Variants in MMP26 observed in about 807,000 individuals in gnomAD.
MMP26 encodes matrix metalloproteinase-26.
Under a neutral mutation model 31.0 loss-of-function variants are expected in MMP26, and 33 were observed. The observed-to-expected ratio is 1.06, with a 90% CI of 0.81 to 1.42. The LOEUF (loss-of-function observed/expected upper bound fraction) is 1.42, where lower values mean the gene tolerates loss of function less well. Ranked by LOEUF, MMP26 falls within the 40% of genes most tolerant of loss-of-function variation. MMP26 has a pLI of 0.00. For synonymous variants in MMP26, 122 were observed against 114.9 expected (o/e 1.06, Z -0.40); for missense variants, 347 against 316.1 (o/e 1.10, Z -0.74).
chr11:4,878,867 T>C (rs1850420399), intron 2 of MMP26, among the ~76,000 whole-genome samples: 1 of 152,182 alleles, frequency 6.6e-6, no homozygotes, highest in South Asian at 2.1e-4. Flanking sequence ...TCTTCCTTGA[T>C]ACTCACTGGG....
At chr11:4,858,190 A>G (rs551274227) in intron 2 of MMP26, among the ~76,000 whole-genome samples, 3 of 152,054 alleles carry the variant, frequency 2.0e-5, no homozygotes, top group South Asian at 4.2e-4. Flanking sequence ...CTCTCACACC[A>G]CTCCTATTCA....
chr11:4,748,093 A>G (rs1441160081), intron 1 of MMP26, among the ~76,000 whole-genome samples: 5 of 152,066 alleles, frequency 3.3e-5, no homozygotes, highest in Non-Finnish European at 5.9e-5. Flanking sequence ...AAATAAGTAC[A>G]CTCAGAAATG....
chr11:4,740,778 T>A (rs546411420), intron 1 of MMP26, among the ~76,000 whole-genome samples: 3 of 152,300 alleles, frequency 2.0e-5, no homozygotes, highest in African/African-American at 7.2e-5. Context: ...CATACCATTT[T>A]AGAGTCATGT....
chr11:4,796,031 A>T (rs941714581), intron 2 of MMP26, among the ~76,000 whole-genome samples: 1 of 152,108 alleles, frequency 6.6e-6, no homozygotes, highest in Non-Finnish European at 1.5e-5. Flanking sequence ...AAGAGTTTCA[A>T]CAGGACAAGT....
At chr11:4,770,340 C>A (rs187651120) in intron 2 of MMP26, among the ~76,000 whole-genome samples, 12 of 152,242 alleles carry the variant, frequency 7.9e-5, no homozygotes, top group African/African-American at 2.4e-4. Context: ...CTTCAGTGAC[C>A]ATAAGGGTAT....
At chr11:4,982,328 G>A (rs1029288922) in intron 2 of MMP26, among the ~76,000 whole-genome samples, 6 of 152,044 alleles carry the variant, frequency 3.9e-5, no homozygotes, top group South Asian at 2.1e-4. Context: ...ATGACGTTAC[G>A]ACAGCTACAA....
chr11:4,742,176 A>G (rs1848323440), intron 1 of MMP26, among the ~76,000 whole-genome samples: 2 of 152,234 alleles, frequency 1.3e-5, no homozygotes. Context: ...TTCAGCAAAT[A>G]TGTACTGTAC....
intron 2 of MMP26, among the ~76,000 whole-genome samples, chr11:4,775,747 T>TGAGAGAGAGAGA (rs35696328): frequency 5.9e-4 from 83 of 139,800 alleles, no homozygotes; most frequent in African/African-American, 2.2e-3. Flanking sequence ...AGGAAGTGAG[T>TGAGAGAGAGAGA]GAGAGAGAGA....
chr11:4,727,938 A>G (rs904093950), intron 1 of MMP26, among the ~76,000 whole-genome samples: 3 of 152,208 alleles, frequency 2.0e-5, no homozygotes, highest in African/African-American at 7.2e-5. Flanking sequence ...TTAAGTAAAA[A>G]TGTCACAACA....
At chr11:4,708,141 G>A (rs190113746) in intron 1 of MMP26, among the ~76,000 whole-genome samples, 16 of 152,230 alleles carry the variant, frequency 1.1e-4, no homozygotes, top group Admixed American at 2.0e-4. Context: ...TACATGTCCC[G>A]ATTCTCGTAT....
rs569226643 is a variant in MMP26 at position 4,930,127 on chromosome 11, A to G, written c.-144-57941A>G. 7.2e-5 allele frequency among the ~76,000 whole-genome samples: 11 copies of G among 152,198 alleles called. No individual in the cohort carries two copies. The South Asian group carries it at 2.3e-3, about 32-fold the overall frequency. ...ACATTTTGTGGCAAAGATTATATTAATTTTAAAAATAAAAACATCACTATT... is the reference window on the plus strand; with the variant it reads ...ACATTTTGTGGCAAAGATTATATTAGTTTTAAAAATAAAAACATCACTATT... On this transcript the variant is annotated intron_variant, in intron 2 of 7. Coordinates refer to ENST00000380390, the MANE Select transcript of MMP26 (RefSeq NM_021801.5).
intron 2 of MMP26, among the ~76,000 whole-genome samples, chr11:4,874,391 G>T (rs971462006): frequency 2.6e-5 from 4 of 151,980 alleles, no homozygotes; most frequent in African/African-American, 9.7e-5. Flanking sequence ...TGTAGCTCTG[G>T]ATTTTGTCTA....
chr11:4,966,737 C>A (rs1846600470), intron 2 of MMP26, among the ~76,000 whole-genome samples: 1 of 151,970 alleles, frequency 6.6e-6, no homozygotes, highest in African/African-American at 2.4e-5. Context: ...GATGTTAGTC[C>A]ATTTTGTTCA....
rs528905897 is a variant in MMP26, at chr11:4,840,634, T to G, written c.-145+73293T>G. Among the ~76,000 whole-genome samples the G allele has an allele frequency of 2.6e-5, 4 of 152,336 alleles. No homozygotes were observed. The East Asian group carries it at 7.7e-4, about 29-fold the overall frequency. On this transcript the variant is annotated intron_variant, in intron 2 of 7. Coordinates refer to ENST00000380390, the MANE Select transcript of MMP26 (RefSeq NM_021801.5). ...GCATTACTGGGCTTGGGGTTACCCCTAAAGTAGATACAACTTAGATCACAA... is the reference window on the plus strand; with the variant it reads ...GCATTACTGGGCTTGGGGTTACCCCGAAAGTAGATACAACTTAGATCACAA...
chr11:4,757,907 C>T (rs114047768), intron 1 of MMP26, among the ~76,000 whole-genome samples: 69 of 151,898 alleles, frequency 4.5e-4, no homozygotes, highest in African/African-American at 1.6e-3. Context: ...TGCTTGTGGA[C>T]ATGAAAAATG....
intron 1 of MMP26, among the ~76,000 whole-genome samples, chr11:4,728,480 A>T (rs1287177696): frequency 6.6e-6 from 1 of 152,162 alleles, no homozygotes; most frequent in South Asian, 2.1e-4. Context: ...CTGAAGGGCC[A>T]TTTCAGCCCT....
chr11:4,802,940 T>C (rs1427390968), intron 2 of MMP26, among the ~76,000 whole-genome samples: 1 of 152,202 alleles, frequency 6.6e-6, no homozygotes, highest in East Asian at 1.9e-4. Context: ...TTTGAATCAT[T>C]TTATATTTTG....
chr11:4,781,603 A>C (rs1848864293), intron 2 of MMP26, among the ~76,000 whole-genome samples: 4 of 144,476 alleles, frequency 2.8e-5, no homozygotes, highest in South Asian at 2.3e-4. Flanking sequence ...AAAAAAAAAA[A>C]AAAACTGATT....
intron 2 of MMP26, among the ~76,000 whole-genome samples, chr11:4,809,705 A>G (rs1849324776): frequency 1.3e-5 from 2 of 152,202 alleles, no homozygotes; most frequent in Non-Finnish European, 2.9e-5. Context: ...TACCTTTCTC[A>G]GGTCTCCCTG....
Sources: allele counts gnomAD v4.1 joint callset (sites outside exome capture counted in the v4.1 genomes callset), GRCh38; gene constraint gnomAD v4.1.1; transcripts MANE v1.5; gene names NCBI Gene and HGNC (gene_info 2026-07-23, HGNC 2026-07-21).